Variants in SUMF1 observed in about 807,000 individuals in gnomAD.
SUMF1 encodes sulfatase modifying factor 1.
Under a neutral mutation model 47.6 loss-of-function variants are expected in SUMF1, and 48 were observed. The observed-to-expected ratio is 1.01, with a 90% CI of 0.80 to 1.28. SUMF1 has a LOEUF of 1.28. Among genes scored for constraint, SUMF1 ranks in the 50% most tolerant of loss-of-function variants. The pLI, the probability that SUMF1 is intolerant of heterozygous loss-of-function variation, is 0.00. For missense variants in SUMF1, 571 were observed against 485.4 expected (o/e 1.18, Z -1.66); for synonymous variants, 230 against 192.1 (o/e 1.20, Z -1.63).
intron 8 of SUMF1, among the ~76,000 whole-genome samples, chr3:4,138,303 T>C (rs1693992327): frequency 6.6e-6 from 1 of 152,130 alleles, no homozygotes; most frequent in Non-Finnish European, 1.5e-5. Flanking sequence ...GGACTGACCT[T>C]TCACCTCAAC....
intron 8 of SUMF1, among the ~76,000 whole-genome samples, chr3:4,333,186 C>T (rs1005889763): frequency 6.6e-6 from 1 of 152,222 alleles, no homozygotes; most frequent in African/African-American, 2.4e-5. Context: ...GCCCTCTGCC[C>T]TTGCAGAAAG....
intron 8 of SUMF1, among the ~76,000 whole-genome samples, chr3:4,163,108 T>C (rs1694616027): frequency 7.1e-6 from 1 of 140,516 alleles, no homozygotes; most frequent in Non-Finnish European, 1.5e-5. Flanking sequence ...GGTGTTGAAC[T>C]AAGCAGCAGC....
chr3:4,111,582 G>A (rs570795222), intron 8 of SUMF1, among the ~76,000 whole-genome samples: 10 of 151,944 alleles, frequency 6.6e-5, no homozygotes, highest in East Asian at 3.9e-4. Context: ...GCTGAGGGTA[G>A]TGGTGCGCAC....
intron 8 of SUMF1, among the ~76,000 whole-genome samples, chr3:4,126,564 G>T (rs1166084832): frequency 6.6e-6 from 1 of 152,024 alleles, no homozygotes; most frequent in Non-Finnish European, 1.5e-5. Context: ...ATTGTTAGAA[G>T]CAGAAGTTCC....
intron 8 of SUMF1, among the ~76,000 whole-genome samples, chr3:4,072,473 G>C (rs566048170): frequency 6.6e-6 from 1 of 152,174 alleles, no homozygotes; most frequent in Non-Finnish European, 1.5e-5. Flanking sequence ...AAACTGGATA[G>C]AGAATGAGTT....
intron 9 of SUMF1, among the ~76,000 whole-genome samples, chr3:4,064,468 G>A: frequency 6.6e-6 from 1 of 152,132 alleles, no homozygotes; most frequent in Non-Finnish European, 1.5e-5. Context: ...GCCACACCTT[G>A]TTTAGCATAT....
intron 7 of SUMF1, among the ~76,000 whole-genome samples, chr3:4,404,700 G>A (rs982069184): frequency 2.6e-5 from 4 of 152,174 alleles, no homozygotes; most frequent in African/African-American, 7.2e-5. Flanking sequence ...GGAGGTGGAG[G>A]TTGCAGTGAG....
At chr3:4,092,422 G>C (rs999343423) in intron 8 of SUMF1, among the ~76,000 whole-genome samples, 10 of 152,090 alleles carry the variant, frequency 6.6e-5, no homozygotes, top group African/African-American at 2.4e-4. Flanking sequence ...TGACTTCAAA[G>C]AATCCTTTCC....
At chr3:4,388,051 G>T (rs1575162995) in intron 7 of SUMF1, among the ~76,000 whole-genome samples, 1 of 152,008 alleles carries the variant, frequency 6.6e-6, no homozygotes, top group Non-Finnish European at 1.5e-5. Context: ...GCAGTTATAG[G>T]GTAGACAGTG....
At chr3:4,298,477 TGC>T (rs1482677439) in intron 8 of SUMF1, among the ~76,000 whole-genome samples, 14 of 152,176 alleles carry the variant, frequency 9.2e-5, no homozygotes, top group Non-Finnish European at 1.9e-4. Flanking sequence ...GAAGCACCAC[TGC>T]TGACAGCTTC....
At chr3:4,316,850 C>T in intron 8 of SUMF1, 1 of 1,549,934 alleles carries the variant, frequency 6.5e-7, no homozygotes, top group Middle Eastern at 2.0e-4. Flanking sequence ...CCGGTGAAAC[C>T]ATTACATCTG....
At chr3:4,173,160 T>A (rs1309196473) in intron 8 of SUMF1, among the ~76,000 whole-genome samples, 3 of 152,178 alleles carry the variant, frequency 2.0e-5, no homozygotes, top group African/African-American at 7.2e-5. Context: ...ATGAGATGGT[T>A]GTATATGTGT....
At chr3:4,162,905 T>G (rs367970473) in intron 8 of SUMF1, among the ~76,000 whole-genome samples, 1 of 143,400 alleles carries the variant, frequency 7.0e-6, no homozygotes, top group African/African-American at 2.6e-5. Flanking sequence ...GCCTCCCTCA[T>G]AAAAAAAAAA....
chr3:4,133,404 A>G (rs1166444793), intron 8 of SUMF1, among the ~76,000 whole-genome samples: 1 of 152,106 alleles, frequency 6.6e-6, no homozygotes, highest in Non-Finnish European at 1.5e-5. Context: ...CAAGTTGACA[A>G]GGGGTGAACT....
chr3:4,346,808 G>A (rs770522832), intron 8 of SUMF1, among the ~76,000 whole-genome samples: 4 of 152,052 alleles, frequency 2.6e-5, no homozygotes, highest in Non-Finnish European at 5.9e-5. Context: ...GAAGAAGAGA[G>A]AGAAGAATCA....
intron 8 of SUMF1, among the ~76,000 whole-genome samples, chr3:4,097,333 G>A (rs1017915359): frequency 1.3e-5 from 2 of 152,068 alleles, no homozygotes; most frequent in African/African-American, 2.4e-5. Context: ...GGCAGATCAC[G>A]AATGAGGTCA....
intron 8 of SUMF1, among the ~76,000 whole-genome samples, chr3:4,332,071 A>C (rs1415835838): frequency 6.6e-6 from 1 of 152,206 alleles, no homozygotes; most frequent in Non-Finnish European, 1.5e-5. Flanking sequence ...AGGCATTTGA[A>C]TTAAAGTTTC....
At chr3:4,401,547 G>A (rs114234830) in intron 7 of SUMF1, among the ~76,000 whole-genome samples, 4,891 of 152,174 alleles carry the variant, frequency 0.032, 140 homozygotes, top group African/African-American at 0.076. Context: ...CTGTACCCGT[G>A]GGAATGGCTT....
intron 8 of SUMF1, among the ~76,000 whole-genome samples, chr3:4,262,248 T>C (rs1697102584): frequency 6.6e-6 from 1 of 152,080 alleles, no homozygotes. Context: ...ACCTCCGAAG[T>C]GTGATGGAGA....
Sources: allele counts gnomAD v4.1 joint callset (sites outside exome capture counted in the v4.1 genomes callset), GRCh38; gene constraint gnomAD v4.1.1; transcripts MANE v1.5; gene names NCBI Gene and HGNC (gene_info 2026-07-23, HGNC 2026-07-21).